Variants in PPP2R2B observed in about 807,000 individuals in gnomAD.
PPP2R2B encodes the protein protein phosphatase 2 regulatory subunit Bbeta, also known as serine/threonine-protein phosphatase 2A 55 kDa regulatory subunit B beta isoform.
In PPP2R2B, 5 loss-of-function variants were observed where a neutral mutation model predicts 46.0. That is an observed-to-expected ratio of 0.11 (90% confidence interval 0.06 to 0.23). PPP2R2B has a LOEUF of 0.23. Ranked by LOEUF, PPP2R2B falls within the 10% of genes least tolerant of loss-of-function variation. The pLI, the probability that PPP2R2B is intolerant of heterozygous loss-of-function variation, is 1.00. For missense variants in PPP2R2B, 367 were observed against 575.0 expected (o/e 0.64, Z 3.70); for synonymous variants, 215 against 206.7 (o/e 1.04, Z -0.34).
Position 146,832,377 on chromosome 5 carries a change from A to ATATTTTTTTTTTTTTTTTTTTTT in PPP2R2B, c.70+45624_70+45625insAAAAAAAAAAAAAAAAAAAAATA, listed in dbSNP as rs1443028400. On this transcript the variant is annotated intron_variant, in intron 2 of 9. Transcript: ENST00000394411. ...TACACAAGTAAGTGTGCCATTTTTA[A>ATATTTTTTTTTTTTTTTTTTTTT]TCTTTTTTTTTTTTTTTTTTTTTTT... 2.9e-5 allele frequency among the ~76,000 whole-genome samples: 3 copies of ATATTTTTTTTTTTTTTTTTTTTT among 104,298 alleles called. 1 individual carries two copies. Among genetic ancestry groups the ATATTTTTTTTTTTTTTTTTTTTT allele is most frequent in the African/African-American group, 7.3e-5 (2 of 27,452 alleles). 68.4% of individuals were successfully genotyped at this position (104,298 alleles called of 152,430 possible).
chr5:146,746,821 T>C (rs1023228528), intron 2 of PPP2R2B, among the ~76,000 whole-genome samples: 6 of 152,212 alleles, frequency 3.9e-5, no homozygotes, highest in Non-Finnish European at 8.8e-5. Flanking sequence ...TTTATCTTAT[T>C]AAATGCTGTG....
At chr5:146,750,058 T>C (rs1303664383) in intron 2 of PPP2R2B, among the ~76,000 whole-genome samples, 4 of 152,026 alleles carry the variant, frequency 2.6e-5, no homozygotes, top group Non-Finnish European at 4.4e-5. Flanking sequence ...CTCCGTTGAA[T>C]TGCTTTTGCA....
chr5:146,911,960 AG>A (rs1257609514), intron 1 of PPP2R2B, among the ~76,000 whole-genome samples: 1 of 152,142 alleles, frequency 6.6e-6, no homozygotes, highest in African/African-American at 2.4e-5. Context: ...CTAAGAGGCC[AG>A]GTGCAGTGGC....
At chr5:146,798,236 TTTTG>T (rs1157253613) in intron 2 of PPP2R2B, among the ~76,000 whole-genome samples, 1 of 152,172 alleles carries the variant, frequency 6.6e-6, no homozygotes, top group African/African-American at 2.4e-5. Context: ...GGTTGCCTCA[TTTTG>T]TTTTTCATCT....
At chr5:146,954,581 C>T (rs1751788143) in intron 1 of PPP2R2B, among the ~76,000 whole-genome samples, 1 of 152,058 alleles carries the variant, frequency 6.6e-6, no homozygotes, top group Non-Finnish European at 1.5e-5. Flanking sequence ...GTGATGGGTG[C>T]ACCAAAATCT....
rs148882657 is a variant in PPP2R2B at position 146,838,307 on chromosome 5, C to T, written c.70+39695G>A. 3.9e-3 allele frequency among the ~76,000 whole-genome samples: 586 copies of T among 151,964 alleles called. 3 individuals carry two copies. Among genetic ancestry groups the T allele is most frequent in the African/African-American group, 0.013 (558 of 41,448 alleles). On this transcript the variant is annotated intron_variant, in intron 2 of 9. Transcript: ENST00000394411. ...AGAAGGAAGGAAGGGAGGCCGGGCT[C>T]ACACCTGTAATGCCAGCACTTTGGG... is the stretch of plus-strand genomic sequence containing the variant.
intron 1 of PPP2R2B, among the ~76,000 whole-genome samples, chr5:147,037,806 C>G (rs1454173438): frequency 2.0e-5 from 3 of 152,110 alleles, no homozygotes; most frequent in Non-Finnish European, 4.4e-5. Flanking sequence ...TTCATAAGAA[C>G]AGATAATATT....
chr5:146,884,673 T>A (rs1323204686), intron 1 of PPP2R2B, among the ~76,000 whole-genome samples: 2 of 152,188 alleles, frequency 1.3e-5, no homozygotes, highest in African/African-American at 4.8e-5. Context: ...TAAAACATCT[T>A]CTTGTACCTC....
intron 1 of PPP2R2B, among the ~76,000 whole-genome samples, chr5:146,894,925 A>G (rs1762600484): frequency 6.6e-6 from 1 of 152,162 alleles, no homozygotes; most frequent in Non-Finnish European, 1.5e-5. Context: ...TACCTTAATC[A>G]TGATCTTATC....
At chr5:146,813,537 G>A (rs1757754253) in intron 2 of PPP2R2B, among the ~76,000 whole-genome samples, 1 of 152,140 alleles carries the variant, frequency 6.6e-6, no homozygotes, top group African/African-American at 2.4e-5. Flanking sequence ...ATCCAAGTAG[G>A]CACTGGCAGC....
intron 2 of PPP2R2B, among the ~76,000 whole-genome samples, chr5:146,818,615 T>A (rs1291687747): frequency 2.0e-5 from 3 of 152,196 alleles, no homozygotes; most frequent in Admixed American, 2.0e-4. Context: ...CCCTTGCATC[T>A]TAAGTTATGT....
At chr5:146,898,281 C>T (rs534966203) in intron 1 of PPP2R2B, among the ~76,000 whole-genome samples, 1 of 152,304 alleles carries the variant, frequency 6.6e-6, no homozygotes, top group African/African-American at 2.4e-5. Flanking sequence ...ATCTATATCT[C>T]TGTTTTGGTA....
rs73317437 is a variant in PPP2R2B, at chr5:146,592,751, A to G, written c.1052+220T>C. On this transcript the variant is annotated intron_variant, in intron 9 of 9. Coordinates refer to ENST00000394411, the MANE Select transcript of PPP2R2B (RefSeq NM_181675.4). ...ACTTTCTTATTAACATTAAGGTGTT[A>G]TCTGTGCCAGTTCAGAAACAGGATT... Among the ~76,000 whole-genome samples the G allele has an allele frequency of 8.3e-3, 1,260 of 152,332 alleles. 20 individuals carry two copies. The highest frequency in any genetic ancestry group is 0.029 in the African/African-American group (1,200 of 41,586).
At chr5:147,054,546 G>A in intron 1 of PPP2R2B, 1 of 454,422 alleles carries the variant, frequency 2.2e-6, no homozygotes, top group Non-Finnish European at 4.4e-6. Context: ...CTCAATTCAA[G>A]GGTGATCCCA....
At chr5:146,889,147 G>A (rs535777077) in intron 1 of PPP2R2B, among the ~76,000 whole-genome samples, 1 of 152,296 alleles carries the variant, frequency 6.6e-6, no homozygotes, top group Admixed American at 6.5e-5. Flanking sequence ...CAATAATAAG[G>A]ATGAATCACA....
intron 2 of PPP2R2B, among the ~76,000 whole-genome samples, chr5:146,709,166 C>G (rs1249789155): frequency 6.6e-6 from 1 of 152,172 alleles, no homozygotes; most frequent in East Asian, 1.9e-4. Flanking sequence ...TTATCTTCAA[C>G]CTGGTGCTGG....
chr5:146,774,014 T>C (rs1383306263), intron 2 of PPP2R2B, among the ~76,000 whole-genome samples: 1 of 152,156 alleles, frequency 6.6e-6, no homozygotes, highest in African/African-American at 2.4e-5. Context: ...TTAGTATCCA[T>C]AAGCAAAACA....
At chr5:146,676,834 G>A (rs1234699313) in intron 5 of PPP2R2B, among the ~76,000 whole-genome samples, 1 of 152,166 alleles carries the variant, frequency 6.6e-6, no homozygotes, top group Non-Finnish European at 1.5e-5. Context: ...TTTTTAAAAT[G>A]CATAGCAAGA....
chr5:146,688,442 C>G (rs1471891430), intron 5 of PPP2R2B, among the ~76,000 whole-genome samples: 1 of 151,888 alleles, frequency 6.6e-6, no homozygotes, highest in Non-Finnish European at 1.5e-5. Flanking sequence ...GGCCTCCTCT[C>G]TGGAGTGGGT....
Sources: allele counts gnomAD v4.1 joint callset (sites outside exome capture counted in the v4.1 genomes callset), GRCh38; gene constraint gnomAD v4.1.1; transcripts MANE v1.5; gene names NCBI Gene and HGNC (gene_info 2026-07-23, HGNC 2026-07-21).